NET1: variants seen among roughly 807,000 people sequenced by gnomAD.
The protein encoded by NET1 is neuroepithelial cell transforming 1, also known as neuroepithelial cell-transforming gene 1 protein.
A neutral mutation model predicts 61.1 loss-of-function variants in NET1; 42 were observed. The ratio of observed to expected loss-of-function variants is 0.69; its 90% CI spans 0.54 to 0.89. The LOEUF (loss-of-function observed/expected upper bound fraction) is 0.89, where lower values mean the gene tolerates loss of function less well. NET1 is among the 40% of genes least tolerant of loss of function. The pLI is 0.00. For synonymous variants in NET1, 254 were observed against 281.8 expected, an observed-to-expected ratio of 0.90 and a Z score of 0.99; for missense variants, 654 against 747.3, an observed-to-expected ratio of 0.88 and a Z score of 1.46.
chr10:5,439,606 T>C lies in NET1; in HGVS notation c.255+10377T>C, dbSNP rs4297370. Among the ~76,000 whole-genome samples the C allele has an allele frequency of 0.98, 148,603 of 152,242 alleles. 72,630 individuals are homozygous for C. Among genetic ancestry groups the C allele is most frequent in the East Asian group, 1 (5,184 of 5,184 alleles). ...CTGATCGCACAGTTAAATGATGTCC[T>C]GTAGCCAGGGCCTCACTCTAACTAG... On this transcript the variant is annotated intron_variant, in intron 3 of 11. Coordinates refer to ENST00000355029, the MANE Select transcript of NET1 (RefSeq NM_001047160.3). This position sits in a 1 kb window ranked among gnomAD's most constrained non-coding sequence, Gnocchi z 4.8.
At position 5,451,864 on chromosome 10, in the gene NET1, G is replaced by T. The variant is rs368625548; in HGVS notation, c.290G>T (p.Arg97Leu). 6.2e-7 allele frequency: 1 copy of T among 1,613,872 alleles called. No homozygotes were observed. Among genetic ancestry groups the T allele is most frequent in the Non-Finnish European group, 8.5e-7 (1 of 1,179,860 alleles). ...AATAAAAGAGTTCGACCTCTGGCTC[G>T]TGTCACGTCCTTGGCAAATTTAATC... ...PSNKRVRPLA[R>L]VTSLANLISP... The change falls in exon 4 of 12, where the codon CGT becomes CTT. Residue 97 changes from arginine (R) to leucine (L), a missense_variant. Coordinates refer to ENST00000355029, the MANE Select transcript of NET1 (RefSeq NM_001047160.3). This position sits in a 1 kb window ranked among gnomAD's most constrained non-coding sequence, Gnocchi z 6.1.
intron 1 of NET1, among the ~76,000 whole-genome samples, chr10:5,419,645 T>G (rs74782492): frequency 6.6e-6 from 1 of 150,888 alleles, no homozygotes; most frequent in Non-Finnish European, 1.5e-5. Context: ...GAAATTCTTA[T>G]GGTATTTCTT....
At position 5,435,747 on chromosome 10, in the gene NET1, C is replaced by G. The variant is rs1387054563; in HGVS notation, c.255+6518C>G. ...TCAATTGAATTTTCATGTTATGGATCATTAGCTATTTTGTCTTGAAGCTGT... is the reference window on the plus strand; with the variant it reads ...TCAATTGAATTTTCATGTTATGGATGATTAGCTATTTTGTCTTGAAGCTGT... On this transcript the variant is annotated intron_variant, in intron 3 of 11. Transcript: ENST00000355029. The surrounding 1 kb of genome is among the most constrained non-coding windows in gnomAD (Gnocchi z 5.0). 1.3e-5 allele frequency among the ~76,000 whole-genome samples: 2 copies of G among 152,082 alleles called. No individual in the cohort carries two copies. The highest frequency in any genetic ancestry group is 2.4e-5 in the African/African-American group (1 of 41,408).
chr10:5,432,313 G>T (rs1310713522), intron 3 of NET1, among the ~76,000 whole-genome samples: 1 of 152,222 alleles, frequency 6.6e-6, no homozygotes, highest in South Asian at 2.1e-4. Flanking sequence ...GTCTTACTAT[G>T]TAGAGTTCCT....
chr10:5,445,745 T>C (rs1832597451), intron 3 of NET1, among the ~76,000 whole-genome samples: 1 of 152,256 alleles, frequency 6.6e-6, no homozygotes. Context: ...ACTGTCATTA[T>C]TGTCACTTCA....
Position 5,412,834 on chromosome 10 carries a change from AG to A in NET1, c.128+18del. On this transcript the variant is annotated intron_variant, in intron 1 of 11. Transcript: ENST00000355029. The surrounding 1 kb of genome is among the most constrained non-coding windows in gnomAD (Gnocchi z 6.5). ...GCTGGACGGGAGGTGAGTGTGGGGGAGGGGAGGGCCGAACGGGAGGTGAGTG... is the reference window on the plus strand; with the variant it reads ...GCTGGACGGGAGGTGAGTGTGGGGGAGGGAGGGCCGAACGGGAGGTGAGTG... The A allele has an allele frequency of 9.1e-7, 1 of 1,096,748 alleles. No homozygotes were observed. Among genetic ancestry groups the A allele is most frequent in the Non-Finnish European group, 1.1e-6 (1 of 899,884 alleles). 67.9% of individuals were successfully genotyped at this position (1,096,748 alleles called of 1,614,324 possible).
Position 5,446,810 on chromosome 10 carries a change from G to GACCATACGAGTCCTAGATGTCAATA in NET1, c.256-5015_256-4991dup. On this transcript the variant is annotated intron_variant, in intron 3 of 11. Transcript: ENST00000355029. The surrounding 1 kb of genome is among the most constrained non-coding windows in gnomAD (Gnocchi z 5.0). ...CTGGAGGTCTCCTACCTATTAAAAG[G>GACCATACGAGTCCTAGATGTCAATA]ACCATACGAGTCCTAGATGTCAATA... The GACCATACGAGTCCTAGATGTCAATA allele has an allele frequency of 6.2e-7, 1 of 1,611,910 alleles. No homozygotes were observed.
chr10:5,451,630 TAC>T lies in NET1; in HGVS notation c.256-195_256-194del, dbSNP rs1224843557. On this transcript the variant is annotated intron_variant, in intron 3 of 11. Coordinates refer to ENST00000355029, the MANE Select transcript of NET1 (RefSeq NM_001047160.3). The surrounding 1 kb of genome is among the most constrained non-coding windows in gnomAD (Gnocchi z 6.1). ...TTGGAAATATTTGACTGGCCTTTCT[TAC>T]ACACTTATTTTTTGAAAAGTTACTG... Among the ~76,000 whole-genome samples, 1 of 152,200 alleles carries T rather than the reference TAC, an allele frequency of 6.6e-6. No individual in the cohort carries two copies. Among genetic ancestry groups the T allele is most frequent in the Admixed American group, 6.5e-5 (1 of 15,284 alleles).
At position 5,444,189 on chromosome 10, in the gene NET1, A is replaced by G. The variant is rs1381976483; in HGVS notation, c.256-7641A>G. On this transcript the variant is annotated intron_variant, in intron 3 of 11. Coordinates refer to ENST00000355029, the MANE Select transcript of NET1 (RefSeq NM_001047160.3). This position sits in a 1 kb window ranked among gnomAD's most constrained non-coding sequence, Gnocchi z 5.3. The stretch of plus-strand genomic sequence containing the variant: ...ACTCTTAAGGCCAACCACATCACAC[A>G]TACTGCCCAGGACAGACTGGACAAT... Among the ~76,000 whole-genome samples, 1 of 152,220 alleles carries G rather than the reference A, an allele frequency of 6.6e-6. No homozygotes were observed. The highest frequency in any genetic ancestry group is 2.4e-5 in the African/African-American group (1 of 41,458).
rs41289271 is a variant in NET1, at chr10:5,457,861, A to G, written c.*867A>G. 1,291 of 152,744 alleles carry G rather than the reference A, an allele frequency of 8.5e-3. 12 individuals carry two copies. Among genetic ancestry groups the G allele is most frequent in the Non-Finnish European group, 0.013 (870 of 68,020 alleles). The allele number at this position is 152,744 out of a possible 1,614,324, so 9.5% of individuals were successfully genotyped here. On this transcript the variant is annotated 3_prime_UTR_variant, in exon 12 of 12. Transcript: ENST00000355029. This position sits in a 1 kb window ranked among gnomAD's most constrained non-coding sequence, Gnocchi z 5.4. ...GGGTAAAGACCCATGAAATGGCTTGATGTATTCTAGACTACTGAAAGAAAA... is the reference window on the plus strand; with the variant it reads ...GGGTAAAGACCCATGAAATGGCTTGGTGTATTCTAGACTACTGAAAGAAAA...
In NET1 at chr10:5,420,657, G is replaced by A. The variant is rs543705005; in HGVS notation, c.129-5998G>A. Among the ~76,000 whole-genome samples, 32 of 152,116 alleles carry A rather than the reference G, an allele frequency of 2.1e-4. No individual in the cohort carries two copies. The highest frequency in any genetic ancestry group is 3.2e-4 in the Non-Finnish European group (22 of 67,992). ...TGTCGCCAGGCTGGAGTGCAGTGGC[G>A]CGATCTCGGCTCACTGTAGCCTCCG... On this transcript the variant is annotated intron_variant, in intron 1 of 11. Transcript: ENST00000355029. The surrounding 1 kb of genome is among the most constrained non-coding windows in gnomAD (Gnocchi z 5.3).
rs1438529003 is a variant in NET1 at position 5,415,684 on chromosome 10, C to G, written c.128+2864C>G. On this transcript the variant is annotated intron_variant, in intron 1 of 11. Transcript: ENST00000355029. This position sits in a 1 kb window ranked among gnomAD's most constrained non-coding sequence, Gnocchi z 4.7. ...TTGAACTCCTGACCTTGTGATTTGC[C>G]TGCCTCGGCCTCCCAAAGTGCTGGG... Among the ~76,000 whole-genome samples, 4 of 152,178 alleles carry G rather than the reference C, an allele frequency of 2.6e-5. No individual in the cohort carries two copies. Among genetic ancestry groups the G allele is most frequent in the African/African-American group, 9.7e-5 (4 of 41,436 alleles).
At chr10:5,450,424 A>G (rs1237995375) in intron 3 of NET1, among the ~76,000 whole-genome samples, 1 of 152,032 alleles carries the variant, frequency 6.6e-6, no homozygotes, top group Admixed American at 6.5e-5. Context: ...ATTCTTAAAT[A>G]ATTAATTAAA....
chr10:5,450,019 T>C (rs1385129897), intron 3 of NET1, among the ~76,000 whole-genome samples: 1 of 151,918 alleles, frequency 6.6e-6, no homozygotes, highest in African/African-American at 2.4e-5. Context: ...GTGCTGTCTT[T>C]ACTAAATGGA....
At position 5,426,938 on chromosome 10, in the gene NET1, C is replaced by T. The variant is rs1157279681; in HGVS notation, c.195+217C>T. 6.6e-6 allele frequency among the ~76,000 whole-genome samples: 1 copy of T among 152,138 alleles called. No homozygotes were observed. The highest frequency in any genetic ancestry group is 1.5e-5 in the Non-Finnish European group (1 of 68,008). On this transcript the variant is annotated intron_variant, in intron 2 of 11. Transcript: ENST00000355029. The surrounding 1 kb of genome is among the most constrained non-coding windows in gnomAD (Gnocchi z 4.6). ...AATATAAAACATATTTTGCAAAGTACTCACATCTATTAATCTTTAACTCTA... is the reference window on the plus strand; with the variant it reads ...AATATAAAACATATTTTGCAAAGTATTCACATCTATTAATCTTTAACTCTA...
In NET1 at chr10:5,451,788, C is replaced by T; in HGVS notation, c.256-42C>T. ...TGTCCAAGTTTGTATGAAATCATTGCACCTAGACATATATTTAGTGTCATC... is the reference window on the plus strand; with the variant it reads ...TGTCCAAGTTTGTATGAAATCATTGTACCTAGACATATATTTAGTGTCATC... On this transcript the variant is annotated intron_variant, in intron 3 of 11. Transcript: ENST00000355029. The surrounding 1 kb of genome is among the most constrained non-coding windows in gnomAD (Gnocchi z 6.1). The T allele has an allele frequency of 6.8e-7, 1 of 1,481,374 alleles. No homozygotes were observed. The highest frequency in any genetic ancestry group is 9.4e-7 in the Non-Finnish European group (1 of 1,064,044). 91.8% of individuals were successfully genotyped at this position (1,481,374 alleles called of 1,614,324 possible).
In NET1 at chr10:5,412,677, C is replaced by T. The variant is rs955231589; in HGVS notation, c.-16C>T. 2 of 1,464,410 alleles carry T rather than the reference C, an allele frequency of 1.4e-6. No homozygotes were observed. The highest frequency in any genetic ancestry group is 2.7e-5 in the South Asian group (2 of 75,434). 90.7% of individuals were successfully genotyped at this position (1,464,410 alleles called of 1,614,324 possible). On this transcript the variant is annotated 5_prime_UTR_variant, in exon 1 of 12. Coordinates refer to ENST00000355029, the MANE Select transcript of NET1 (RefSeq NM_001047160.3). The surrounding 1 kb of genome is among the most constrained non-coding windows in gnomAD (Gnocchi z 6.5). ...TCCCGGGCACCCGGCCACCGCCCCA[C>T]CCCCTCCTCCGTGCCATGGAGCCCG...
chr10:5,456,659 G>A lies in NET1; in HGVS notation c.1456G>A (p.Val486Met), dbSNP rs374195268. The change falls in exon 12 of 12, where the codon GTG becomes ATG. Residue 486 changes from valine to methionine, a missense_variant. Physicochemically the swap from Val to Met is conservative, Grantham distance 21 (BLOSUM62 1). Transcript: ENST00000355029. This position sits in a 1 kb window ranked among gnomAD's most constrained non-coding sequence, Gnocchi z 7.0. ...AQSHTLQAND[V>M]FHKQQWFNCI... Reference sequence around the variant, plus strand: ...GTCTCACACTCTGCAAGCCAATGACGTGTTCCACAAGCAGCAGTGGTTCAA... The same window carrying A: ...GTCTCACACTCTGCAAGCCAATGACATGTTCCACAAGCAGCAGTGGTTCAA... The A allele has an allele frequency of 3.0e-5, 48 of 1,612,954 alleles. No individual in the cohort carries two copies. Among genetic ancestry groups the A allele is most frequent in the African/African-American group, 6.7e-5 (5 of 74,672 alleles).
intron 1 of NET1, among the ~76,000 whole-genome samples, chr10:5,419,330 GGT>G (rs374769350): frequency 0.05 from 7,538 of 152,060 alleles, 268 homozygotes; most frequent in Non-Finnish European, 0.073. Context: ...TTGGTTGGTT[GGT>G]TGGTTGGTTG....
Sources: allele counts gnomAD v4.1 joint callset (sites outside exome capture counted in the v4.1 genomes callset), GRCh38; gene constraint gnomAD v4.1.1; non-coding constraint Gnocchi (gnomAD v3.1); transcripts MANE v1.5; gene names NCBI Gene and HGNC (gene_info 2026-07-23, HGNC 2026-07-21).